Variants in SLC25A26 observed in about 807,000 individuals in gnomAD.
The protein encoded by SLC25A26 is solute carrier family 25 member 26.
Under a neutral mutation model 37.8 loss-of-function variants are expected in SLC25A26, and 36 were observed. The observed-to-expected ratio is 0.95, with a 90% CI of 0.73 to 1.26. SLC25A26 has a LOEUF of 1.26. Among genes scored for constraint, SLC25A26 ranks in the 50% most tolerant of loss-of-function variants. The pLI is 0.00. For synonymous variants in SLC25A26, 129 were observed against 122.5 expected, an observed-to-expected ratio of 1.05 and a Z score of -0.35; for missense variants, 390 against 331.1, an observed-to-expected ratio of 1.18 and a Z score of -1.38.
chr3:66,253,240 TA>T (rs368393312), intron 3 of SLC25A26, among the ~76,000 whole-genome samples: 54 of 143,022 alleles, frequency 3.8e-4, no homozygotes, highest in South Asian at 1.8e-3. Flanking sequence ...AGCTTGTCTC[TA>T]AAAAAAAAAG....
rs559012783 is a variant in SLC25A26 at position 66,171,270 on chromosome 3, C to A, written c.-354+37286C>A. ...AATGCAATGTTTTTGTAAAAAATTT[C>A]TCTTAGTCCTTGGTAACAGTGACAA... On this transcript the variant is annotated intron_variant, in intron 1 of 10. Coordinates refer to the SLC25A26 transcript ENST00000676754. Among the ~76,000 whole-genome samples the A allele has an allele frequency of 1.2e-3, 182 of 152,206 alleles. 2 individuals carry two copies. Among genetic ancestry groups the A allele is most frequent in the Non-Finnish European group, 2.1e-3 (142 of 68,010 alleles).
rs564780151 is a variant in SLC25A26 at position 66,228,273 on chromosome 3, G to A, written c.33+7146G>A. Among the ~76,000 whole-genome samples, 348 of 152,284 alleles carry A rather than the reference G, an allele frequency of 2.3e-3. 3 individuals are homozygous for A. The highest frequency in any genetic ancestry group is 7.9e-3 in the African/African-American group (330 of 41,558). On this transcript the variant is annotated intron_variant, in intron 1 of 9. Transcript: ENST00000354883. Reference sequence around the variant, plus strand: ...GTGCATCTCTACTACCCACAGATGGGACTACCTTTCTTTTTTCATTTTTCT... The same window carrying A: ...GTGCATCTCTACTACCCACAGATGGAACTACCTTTCTTTTTTCATTTTTCT...
At position 66,221,047 on chromosome 3, in the gene SLC25A26, C is replaced by A; in HGVS notation, c.-48C>A. ...GCGCCCAGCGCGCGAGGACGTGATC[C>A]GCTTCTGCTCCGGCTTGGATTGTAG... is the stretch of plus-strand genomic sequence containing the variant. On this transcript the variant is annotated 5_prime_UTR_variant, in exon 1 of 10. Transcript: ENST00000354883. 3 of 1,533,934 alleles carry A rather than the reference C, an allele frequency of 2.0e-6. No homozygotes were observed. The highest frequency in any genetic ancestry group is 2.6e-6 in the Non-Finnish European group (3 of 1,144,538).
chr3:66,362,212 A>T lies in SLC25A26; in HGVS notation c.499-648A>T, dbSNP rs189766009. 5.3e-5 allele frequency among the ~76,000 whole-genome samples: 8 copies of T among 152,334 alleles called. No homozygotes were observed. The East Asian group carries it at 5.8e-4, about 11-fold the overall frequency. ...GTATTTCCCCAAGAGAAATGAAAGCATGTATACATATAAAGACCTGTATAC... is the reference window on the plus strand; with the variant it reads ...GTATTTCCCCAAGAGAAATGAAAGCTTGTATACATATAAAGACCTGTATAC... On this transcript the variant is annotated intron_variant, in intron 6 of 9. Coordinates refer to ENST00000354883, the MANE Select transcript of SLC25A26 (RefSeq NM_001379210.1).
intron 1 of SLC25A26, among the ~76,000 whole-genome samples, chr3:66,195,517 A>G (rs1453281098): frequency 6.6e-6 from 1 of 152,234 alleles, no homozygotes; most frequent in Non-Finnish European, 1.5e-5. Context: ...TTGGAGGCTC[A>G]GCTAAAAACC....
At chr3:66,186,378 T>C (rs1010712412) in intron 1 of SLC25A26, among the ~76,000 whole-genome samples, 1 of 151,972 alleles carries the variant, frequency 6.6e-6, no homozygotes, top group Non-Finnish European at 1.5e-5. Flanking sequence ...TCCATTGACC[T>C]TAAATGAAAT....
At chr3:66,366,378 C>A (rs1241469337) in intron 7 of SLC25A26, among the ~76,000 whole-genome samples, 2 of 152,218 alleles carry the variant, frequency 1.3e-5, no homozygotes, top group African/African-American at 4.8e-5. Flanking sequence ...ATTCTATTAT[C>A]TTCACAAGTC....
At chr3:66,262,777 A>G (rs1226022642) in intron 4 of SLC25A26, among the ~76,000 whole-genome samples, 1 of 152,192 alleles carries the variant, frequency 6.6e-6, no homozygotes. Context: ...TAATTGTACA[A>G]ATGAGATGAA....
intron 1 of SLC25A26, among the ~76,000 whole-genome samples, chr3:66,148,806 T>G (rs2070157198): frequency 6.6e-6 from 1 of 152,152 alleles, no homozygotes; most frequent in Non-Finnish European, 1.5e-5. Context: ...GATCTTCCTG[T>G]GTCAGTCTCA....
exon 1 of SLC25A26, chr3:66,133,933 A>G (rs995308815): frequency 6.6e-6 from 1 of 152,212 alleles, no homozygotes; most frequent in Non-Finnish European, 1.5e-5. Context: ...GAAAATGCGT[A>G]CTACATACAG....
chr3:66,220,243 G>GT (rs2071432468), upstream of SLC25A26, among the ~76,000 whole-genome samples: 1 of 152,210 alleles, frequency 6.6e-6, no homozygotes, highest in African/African-American at 2.4e-5. Context: ...ACATCATAGG[G>GT]TTGGTGAAAG....
chr3:66,367,699 GACAGAC>G (rs1430917001), intron 7 of SLC25A26, among the ~76,000 whole-genome samples: 2 of 138,652 alleles, frequency 1.4e-5, no homozygotes, highest in Non-Finnish European at 3.0e-5. Context: ...CAGACAGACA[GACAGAC>G]ACAGAGAGAG....
At chr3:66,249,291 A>C (rs909882897) in intron 3 of SLC25A26, among the ~76,000 whole-genome samples, 2 of 152,346 alleles carry the variant, frequency 1.3e-5, no homozygotes, top group Middle Eastern at 3.4e-3. Context: ...TAGCTCCTTT[A>C]GTAACTGACA....
chr3:66,337,724 A>G (rs1185854435), intron 5 of SLC25A26, among the ~76,000 whole-genome samples: 1 of 152,044 alleles, frequency 6.6e-6, no homozygotes, highest in Non-Finnish European at 1.5e-5. Context: ...TTACACATAC[A>G]CTTATTTTTT....
chr3:66,299,238 C>T (rs780699128), intron 5 of SLC25A26, among the ~76,000 whole-genome samples: 11 of 152,164 alleles, frequency 7.2e-5, no homozygotes, highest in Non-Finnish European at 1.6e-4. Flanking sequence ...GTCACCCAGG[C>T]TGGAGTGCAG....
intron 3 of SLC25A26, among the ~76,000 whole-genome samples, chr3:66,253,316 C>T (rs2073167350): frequency 6.7e-6 from 1 of 150,016 alleles, no homozygotes; most frequent in Non-Finnish European, 1.5e-5. Flanking sequence ...GAGGCTGAGG[C>T]AGGAGAATGG....
At chr3:66,176,035 A>G (rs1476880306) in intron 1 of SLC25A26, among the ~76,000 whole-genome samples, 2 of 152,220 alleles carry the variant, frequency 1.3e-5, no homozygotes, top group Admixed American at 1.3e-4. Flanking sequence ...ATTTCCTTTA[A>G]TAATTAGAAA....
At chr3:66,136,298 A>G (rs2069946325) in intron 1 of SLC25A26, among the ~76,000 whole-genome samples, 1 of 152,202 alleles carries the variant, frequency 6.6e-6, no homozygotes, top group African/African-American at 2.4e-5. Context: ...CCAGATGTTC[A>G]TTTTATGTCT....
In SLC25A26 at chr3:66,209,040, G is replaced by GTATGTATATATATA. The variant is rs1325838750; in HGVS notation, c.-353-11699_-353-11698insGTATATATATATAT. 7.5e-4 allele frequency among the ~76,000 whole-genome samples: 25 copies of GTATGTATATATATA among 33,484 alleles called. 3 individuals are homozygous for GTATGTATATATATA. The highest frequency in any genetic ancestry group is 2.8e-3 in the South Asian group (2 of 704). The allele number at this position is 33,484 out of a possible 152,430, so 22.0% of individuals were successfully genotyped here. On this transcript the variant is annotated intron_variant, in intron 1 of 10. Transcript: ENST00000676754. The stretch of plus-strand genomic sequence containing the variant: ...TATATATACACACCCATATAAAGGT[G>GTATGTATATATATA]TATATATATATATATATATATATAT...
Sources: allele counts gnomAD v4.1 joint callset (sites outside exome capture counted in the v4.1 genomes callset), GRCh38; gene constraint gnomAD v4.1.1; transcripts MANE v1.5; gene names NCBI Gene and HGNC (gene_info 2026-07-23, HGNC 2026-07-21).